Variants in DPP6 observed in about 807,000 individuals in gnomAD.
DPP6 encodes dipeptidyl peptidase like 6.
A neutral mutation model predicts 122.6 loss-of-function variants in DPP6; 69 were observed. The ratio of observed to expected loss-of-function variants is 0.56; its 90% CI spans 0.46 to 0.69. The LOEUF is 0.69. Ranked by LOEUF, DPP6 falls within the 30% of genes least tolerant of loss-of-function variation. DPP6 has a pLI of 0.00. For missense variants in DPP6, 928 were observed against 1,116.9 expected (o/e 0.83, Z 2.41); for synonymous variants, 418 against 433.1 (o/e 0.97, Z 0.43).
chr7:154,578,479 T>G (rs1831827105), intron 5 of DPP6, among the ~76,000 whole-genome samples: 1 of 152,126 alleles, frequency 6.6e-6, no homozygotes, highest in Non-Finnish European at 1.5e-5. Context: ...GCAGGCTGCG[T>G]GCAAGAGTAA....
chr7:154,420,242 CAGAGA>C (rs1817356711), intron 1 of DPP6, among the ~76,000 whole-genome samples: 1 of 152,068 alleles, frequency 6.6e-6, no homozygotes, highest in Non-Finnish European at 1.5e-5. Context: ...GATGCTGAGG[CAGAGA>C]ATTGCTTGAA....
intron 7 of DPP6, among the ~76,000 whole-genome samples, chr7:154,721,372 G>A (rs1195644016): frequency 5.9e-5 from 9 of 152,130 alleles, no homozygotes; most frequent in Admixed American, 5.9e-4. Context: ...TAACAGCTCT[G>A]TGCTCCTGTG....
intron 3 of DPP6, among the ~76,000 whole-genome samples, chr7:154,534,036 T>C (rs1257743642): frequency 2.0e-5 from 3 of 151,892 alleles, no homozygotes; most frequent in African/African-American, 7.3e-5. Flanking sequence ...CATGATAATA[T>C]ATCATGACCA....
chr7:154,269,824 A>G lies in DPP6; in HGVS notation c.244-176390A>G, dbSNP rs372008372. On this transcript the variant is annotated intron_variant, in intron 1 of 25. Transcript: ENST00000377770. ...GAATCTCAGAGGTACAAATTTGGAA[A>G]TCTACATTGTCATTAAGGAAATGTG... is the stretch of plus-strand genomic sequence containing the variant. 1.2e-3 allele frequency among the ~76,000 whole-genome samples: 185 copies of G among 152,322 alleles called. 4 individuals carry two copies. The South Asian group carries it at 0.037, about 30-fold the overall frequency.
intron 1 of DPP6, among the ~76,000 whole-genome samples, chr7:154,010,058 A>G (rs997771400): frequency 1.3e-5 from 2 of 152,108 alleles, no homozygotes; most frequent in Non-Finnish European, 1.5e-5. Flanking sequence ...GGTGTCATCT[A>G]TTTTCCTTTG....
rs62484151 is a variant in DPP6, at chr7:154,241,228, T to G, written c.243+188165T>G. Among the ~76,000 whole-genome samples the G allele has an allele frequency of 0.081, 12,247 of 150,842 alleles. 708 individuals carry two copies. The highest frequency in any genetic ancestry group is 0.16 in the African/African-American group (6,393 of 40,598). On this transcript the variant is annotated intron_variant, in intron 1 of 25. Coordinates refer to ENST00000377770, the MANE Select transcript of DPP6 (RefSeq NM_130797.4). This position sits in a 1 kb window ranked among gnomAD's most constrained non-coding sequence, Gnocchi z 9.0. ...GTGTGTGTGTGTGTGTGTATATATA[T>G]ATAGAGAGAGAGAGAGACACTTTTA...
rs185436547 is a variant in DPP6 at position 154,179,822 on chromosome 7, C to G, written c.243+126759C>G. On this transcript the variant is annotated intron_variant, in intron 1 of 25. Coordinates refer to ENST00000377770, the MANE Select transcript of DPP6 (RefSeq NM_130797.4). ...AAATGACATTGAGCATATACACTTT[C>G]CACCATTGTAGTAAGCCCAACATTC... is the stretch of plus-strand genomic sequence containing the variant. Among the ~76,000 whole-genome samples, 755 of 152,280 alleles carry G rather than the reference C, an allele frequency of 5.0e-3. 3 individuals carry two copies. The highest frequency in any genetic ancestry group is 5.9e-3 in the Non-Finnish European group (403 of 68,026).
the DPP6 span, among the ~76,000 whole-genome samples, chr7:153,865,675 A>C: frequency 3.9e-5 from 6 of 152,270 alleles, no homozygotes; most frequent in African/African-American, 9.6e-5. Flanking sequence ...TACTATATTT[A>C]AGTTTTAGGG....
At chr7:154,580,790 C>A (rs1316018685) in intron 5 of DPP6, among the ~76,000 whole-genome samples, 1 of 152,086 alleles carries the variant, frequency 6.6e-6, no homozygotes, top group Non-Finnish European at 1.5e-5. Context: ...GCGATCACTG[C>A]AGAGGAACAG....
At chr7:154,680,665 T>G (rs7798314) in intron 7 of DPP6, among the ~76,000 whole-genome samples, 24,406 of 149,284 alleles carry the variant, frequency 0.16, 2,104 homozygotes, top group East Asian at 0.34. Flanking sequence ...ACTTTCTTGG[T>G]TAAAGCAACA....
rs1489811189 is a variant in DPP6 at position 153,920,561 on chromosome 7, C to CTTTTTTTTTTTTTTTTTTTTTTTTTTTTT, written c.51+32828_51+32829insTTTTTTTTTTTTTTTTTTTTTTTTTTTTT. On this transcript the variant is annotated intron_variant, in intron 1 of 25. Transcript: ENST00000404039. ...TAGTCAACCTTTTTCTTTTATCTCTCTCTTTTTTTTTTTTTTTTTGAGATG... is the reference window on the plus strand; with the variant it reads ...TAGTCAACCTTTTTCTTTTATCTCTCTTTTTTTTTTTTTTTTTTTTTTTTTTTTTTCTTTTTTTTTTTTTTTTTGAGATG... Among the ~76,000 whole-genome samples the CTTTTTTTTTTTTTTTTTTTTTTTTTTTTT allele has an allele frequency of 9.6e-5, 6 of 62,458 alleles. 2 individuals are homozygous for CTTTTTTTTTTTTTTTTTTTTTTTTTTTTT. The highest frequency in any genetic ancestry group is 1.5e-4 in the African/African-American group (2 of 13,366). The allele number at this position is 62,458 out of a possible 152,430, so 41.0% of individuals were successfully genotyped here.
intron 1 of DPP6, among the ~76,000 whole-genome samples, chr7:154,400,482 C>T (rs994611663): frequency 6.6e-6 from 1 of 152,190 alleles, no homozygotes; most frequent in African/African-American, 2.4e-5. Context: ...TGAGGAAAGG[C>T]TCCTTGGATT....
rs886262984 is a variant in DPP6 at position 154,483,811 on chromosome 7, C to T, written c.457+8774C>T. On this transcript the variant is annotated intron_variant, in intron 3 of 25. Transcript: ENST00000377770. The surrounding 1 kb of genome is among the most constrained non-coding windows in gnomAD (Gnocchi z 8.1). ...CCGGGTTCAAGCGATTCTCCTGCCT[C>T]AGCCTCCCTAGTAGCTGGGATTACA... Among the ~76,000 whole-genome samples the T allele has an allele frequency of 2.0e-5, 3 of 152,208 alleles. No individual in the cohort carries two copies. The highest frequency in any genetic ancestry group is 4.4e-5 in the Non-Finnish European group (3 of 68,032).
chr7:154,029,522 A>G (rs912838946), intron 1 of DPP6, among the ~76,000 whole-genome samples: 1 of 149,370 alleles, frequency 6.7e-6, no homozygotes, highest in African/African-American at 2.5e-5. Context: ...ATCTCAAACA[A>G]AAAAAGAAAG....
the DPP6 span, among the ~76,000 whole-genome samples, chr7:153,766,506 G>A: frequency 6.6e-6 from 1 of 152,134 alleles, no homozygotes; most frequent in East Asian, 1.9e-4. Context: ...ACAAACAATA[G>A]AACCTTGCCA....
At chr7:153,817,738 G>A in the DPP6 span, among the ~76,000 whole-genome samples, 1 of 139,720 alleles carries the variant, frequency 7.2e-6, no homozygotes, top group South Asian at 2.5e-4. Flanking sequence ...GACACAGGGT[G>A]GGGAACATCA....
chr7:153,950,405 C>T (rs1802155389), intron 1 of DPP6, among the ~76,000 whole-genome samples: 2 of 152,234 alleles, frequency 1.3e-5, no homozygotes, highest in African/African-American at 4.8e-5. Flanking sequence ...TTTTGAAGAT[C>T]CCTGTACGTT....
At chr7:154,432,987 G>A (rs1395489044) in intron 1 of DPP6, among the ~76,000 whole-genome samples, 3 of 152,082 alleles carry the variant, frequency 2.0e-5, no homozygotes, top group African/African-American at 7.2e-5. Context: ...ATGTGCTAAT[G>A]GACAGAATTT....
chr7:154,857,322 A>G (rs1802926029), intron 17 of DPP6, among the ~76,000 whole-genome samples: 2 of 152,104 alleles, frequency 1.3e-5, no homozygotes, highest in African/African-American at 4.8e-5. Context: ...CTTTTTCCCC[A>G]TGCCTGGATA....
Sources: allele counts gnomAD v4.1 joint callset (sites outside exome capture counted in the v4.1 genomes callset), GRCh38; gene constraint gnomAD v4.1.1; non-coding constraint Gnocchi (gnomAD v3.1); transcripts MANE v1.5; gene names NCBI Gene and HGNC (gene_info 2026-07-23, HGNC 2026-07-21).